The following DNM3 variants were observed in gnomAD, a reference collection of about 807,000 sequenced individuals.
DNM3 encodes dynamin 3.
DNM3 carries 47 observed loss-of-function variants against 101.6 expected under a neutral mutation model. That is an observed-to-expected ratio of 0.46 (90% CI 0.37 to 0.59). DNM3 has a LOEUF of 0.59. Among genes scored for constraint, DNM3 ranks in the 20% least tolerant of loss-of-function variants. The probability of loss-of-function intolerance (pLI) is 0.00; values close to 1 mark genes in which losing one functional copy is unlikely to be tolerated. For missense variants in DNM3, 849 were observed against 1,085.7 expected (o/e 0.78, Z 3.06); for synonymous variants, 385 against 387.9 (o/e 0.99, Z 0.09).
intron 14 of DNM3, among the ~76,000 whole-genome samples, chr1:172,235,679 G>C (rs1323797298): frequency 1.3e-5 from 2 of 152,090 alleles, no homozygotes; most frequent in Non-Finnish European, 2.9e-5. Context: ...AAAATGATGA[G>C]TTCATGTCCT....
intron 2 of DNM3, among the ~76,000 whole-genome samples, chr1:171,937,818 G>A (rs2041544556): frequency 1.3e-5 from 2 of 152,220 alleles, no homozygotes; most frequent in East Asian, 3.9e-4. Context: ...CAATCCTCCT[G>A]CTTCAATCCC....
intron 6 of DNM3, among the ~76,000 whole-genome samples, chr1:172,034,184 A>G (rs1397653958): frequency 1.3e-5 from 2 of 152,180 alleles, no homozygotes; most frequent in African/African-American, 4.8e-5. Context: ...AAATTATGTT[A>G]TAATTCCATT....
intron 1 of DNM3, among the ~76,000 whole-genome samples, chr1:171,850,998 T>A (rs2032887652): frequency 6.6e-6 from 1 of 152,170 alleles, no homozygotes; most frequent in South Asian, 2.1e-4. Flanking sequence ...TCTCTCCTGC[T>A]CCCTGTGGCA....
rs201508473 is a variant in DNM3 at position 172,323,223 on chromosome 1, A to G, written c.1882-106A>G. On this transcript the variant is annotated intron_variant, in intron 16 of 20. Transcript: ENST00000627582. ...ACTCTAGCAAGAAAAACCTCATTTT[A>G]TTTTTTTTAATATCCAGAGAAAGTA... 4.3e-6 allele frequency: 5 copies of G among 1,166,006 alleles called. No homozygotes were observed. The South Asian group carries it at 6.4e-5, about 15-fold the overall frequency. 72.2% of individuals were successfully genotyped at this position (1,166,006 alleles called of 1,614,324 possible). A position where few individuals can be genotyped will look rare whatever the true frequency, so the allele number is the denominator to read the frequency against.
At chr1:172,205,663 A>G (rs566675917) in intron 14 of DNM3, among the ~76,000 whole-genome samples, 10 of 152,248 alleles carry the variant, frequency 6.6e-5, no homozygotes, top group African/African-American at 2.2e-4. Context: ...ACAGATTCCC[A>G]TATCTGCTTC....
intron 15 of DNM3, among the ~76,000 whole-genome samples, chr1:172,291,284 G>A (rs1013045311): frequency 2.9e-5 from 3 of 102,618 alleles, no homozygotes; most frequent in South Asian, 3.2e-4. Flanking sequence ...GTGTGTACAC[G>A]TGTGCACGCC....
chr1:172,162,428 A>G (rs2058579309), intron 14 of DNM3, among the ~76,000 whole-genome samples: 1 of 152,056 alleles, frequency 6.6e-6, no homozygotes, highest in African/African-American at 2.4e-5. Flanking sequence ...AATGTCAAGT[A>G]GTTTACTTAA....
At chr1:172,127,622 G>A (rs192809794) in intron 13 of DNM3, among the ~76,000 whole-genome samples, 40 of 151,760 alleles carry the variant, frequency 2.6e-4, no homozygotes, top group South Asian at 8.3e-4. Flanking sequence ...TGTTATCCAG[G>A]ATGGTCTCGA....
At chr1:171,928,742 G>T (rs1202397924) in intron 2 of DNM3, among the ~76,000 whole-genome samples, 1 of 152,184 alleles carries the variant, frequency 6.6e-6, no homozygotes, top group Non-Finnish European at 1.5e-5. Context: ...TTGCCAAGCT[G>T]CTACTGGCTT....
chr1:172,087,766 CCT>C (rs1260241023), intron 12 of DNM3, among the ~76,000 whole-genome samples: 2 of 152,200 alleles, frequency 1.3e-5, no homozygotes, highest in Non-Finnish European at 2.9e-5. Flanking sequence ...CCCCTGTCAT[CCT>C]CTTTCTCATT....
intron 10 of DNM3, among the ~76,000 whole-genome samples, chr1:172,049,884 A>G (rs556023315): frequency 7.2e-5 from 11 of 152,146 alleles, no homozygotes; most frequent in Non-Finnish European, 1.6e-4. Flanking sequence ...ACATAGTAGA[A>G]GAGGCAAATG....
intron 12 of DNM3, among the ~76,000 whole-genome samples, chr1:172,088,501 C>G (rs1199493782): frequency 6.6e-6 from 1 of 152,076 alleles, no homozygotes; most frequent in East Asian, 1.9e-4. Flanking sequence ...GAGTAACAGC[C>G]AAATTCTCCA....
At chr1:171,933,933 G>A (rs2041222216) in intron 2 of DNM3, among the ~76,000 whole-genome samples, 2 of 152,170 alleles carry the variant, frequency 1.3e-5, no homozygotes, top group South Asian at 4.1e-4. Flanking sequence ...AGAGAGTTAA[G>A]GGATTCTTCA....
intron 1 of DNM3, among the ~76,000 whole-genome samples, chr1:171,877,549 A>G (rs931681813): frequency 1.3e-5 from 2 of 152,180 alleles, no homozygotes; most frequent in African/African-American, 2.4e-5. Flanking sequence ...TCCATCCTCA[A>G]TGGAGGTGCT....
chr1:172,071,427 A>G (rs909892923), intron 11 of DNM3, among the ~76,000 whole-genome samples: 1 of 151,876 alleles, frequency 6.6e-6, no homozygotes, highest in African/African-American at 2.4e-5. Flanking sequence ...GGTAGTGTGG[A>G]CATGTCATTT....
intron 1 of DNM3, among the ~76,000 whole-genome samples, chr1:171,907,935 T>A (rs1350869175): frequency 6.6e-6 from 1 of 152,208 alleles, no homozygotes; most frequent in Non-Finnish European, 1.5e-5. Flanking sequence ...CATATACTTA[T>A]AAGTAGAATA....
chr1:172,201,400 A>G (rs1026972730), intron 14 of DNM3, among the ~76,000 whole-genome samples: 2 of 152,160 alleles, frequency 1.3e-5, no homozygotes, highest in African/African-American at 4.8e-5. Context: ...CTTGGAGACA[A>G]CAGAGGAAGG....
At chr1:172,081,974 A>T in intron 12 of DNM3, 72 bp downstream of exon 12, 1 of 1,468,428 alleles carries the variant, frequency 6.8e-7, no homozygotes, top group Non-Finnish European at 9.5e-7. Context: ...GTGAATTTTT[A>T]CTACAGTTTC....
Position 171,841,574 on chromosome 1 carries a change from G to A in DNM3, c.-83G>A. On this transcript the variant is annotated 5_prime_UTR_variant, in exon 1 of 21. Coordinates refer to ENST00000627582, the MANE Select transcript of DNM3 (RefSeq NM_015569.5). ...GCTGGCTGAGCCCGGCGCAGCAGCA[G>A]CAGCCAGGGCAGCGCGGCCCCTACT... The A allele has an allele frequency of 4.0e-6, 6 of 1,500,194 alleles. No individual in the cohort carries two copies. Among genetic ancestry groups the A allele is most frequent in the Non-Finnish European group, 5.3e-6 (6 of 1,126,754 alleles). The allele number at this position is 1,500,194 out of a possible 1,614,324, so 92.9% of individuals were successfully genotyped here.
Sources: gnomAD v4.1 joint callset for allele counts (sites outside exome capture counted in the v4.1 genomes callset) on GRCh38, gnomAD v4.1.1 for gene constraint, MANE v1.5 for transcripts, NCBI Gene and HGNC (gene_info 2026-07-23, HGNC 2026-07-21) for gene names.